ZNF366: variants seen among roughly 807,000 people sequenced by gnomAD.
The protein encoded by ZNF366 is dendritic cell-specific transcript protein.
In ZNF366, 20 loss-of-function variants were observed where a neutral mutation model predicts 47.2. The ratio of observed to expected loss-of-function variants is 0.42; its 90% CI spans 0.30 to 0.62. The LOEUF is 0.62. ZNF366 is among the 20% of genes least tolerant of loss of function. The probability of loss-of-function intolerance (pLI) is 0.16; values close to 1 mark genes in which losing one functional copy is unlikely to be tolerated. For synonymous variants in ZNF366, 421 were observed against 395.1 expected (o/e 1.07, Z -0.78); for missense variants, 987 against 976.3 (o/e 1.01, Z -0.15).
rs1363263603 is a variant in ZNF366, at chr5:72,444,229, C to T, written c.1762G>A (p.Glu588Lys). Residue 588 changes from glutamate (E) to lysine (K), a missense_variant, in exon 5 of 5, where the codon GAG (glutamate) becomes AAG (lysine). Around this residue, in one of 3 missense-constraint regions of ZNF366, gnomAD observed 285 missense variants for 234.8 expected, o/e 1.21. Coordinates refer to ENST00000318442, the MANE Select transcript of ZNF366 (RefSeq NM_152625.3). ...TTCTGAGAGAGGTCAAAGGGCTCCT[C>T]CTGCTCCAGACTCCTCAGGACACCG... ...TAGVLRSLEQ[E>K]EPFDLSQKRR... 8.7e-6 allele frequency: 14 copies of T among 1,613,498 alleles called. No homozygotes were observed. The highest frequency in any genetic ancestry group is 1.1e-5 in the Non-Finnish European group (13 of 1,180,018).
rs759827551 is a variant in ZNF366 at position 72,447,380 on chromosome 5, A to G, written c.1562T>C (p.Met521Thr). The change falls in exon 4 of 5, where the codon ATG (methionine) becomes ACG (threonine). Residue 521 changes from methionine (M) to threonine (T), a missense_variant. Met to Thr is a moderately conservative substitution (Grantham distance 81). Around this residue, in one of 3 missense-constraint regions of ZNF366, gnomAD observed 111 missense variants for 180.5 expected, o/e 0.61. Coordinates refer to ENST00000318442, the MANE Select transcript of ZNF366 (RefSeq NM_152625.3). ...GKEFNRMHNL[M>T]GHMHLHSDSK... ...GTCTGAGTGCAGGTGCATGTGGCCC[A>G]TCAGGTTGTGCATCCGGTTGAATTC... 1 of 1,614,102 alleles carries G rather than the reference A, an allele frequency of 6.2e-7. No homozygotes were observed. Among genetic ancestry groups the G allele is most frequent in the Non-Finnish European group, 8.5e-7 (1 of 1,180,038 alleles).
chr5:72,467,218 T>C (rs908206833), intron 1 of ZNF366, among the ~76,000 whole-genome samples: 7 of 152,210 alleles, frequency 4.6e-5, no homozygotes, highest in East Asian at 1.9e-4. Flanking sequence ...CCAAACCCAA[T>C]AGGCTATAAA....
At chr5:72,461,851 T>A (rs1743320539) in intron 1 of ZNF366, among the ~76,000 whole-genome samples, 1 of 152,172 alleles carries the variant, frequency 6.6e-6, no homozygotes, top group Non-Finnish European at 1.5e-5. Context: ...TTGTCCCCAT[T>A]TAAGATCAGG....
chr5:72,466,736 A>T (rs1038448823), intron 1 of ZNF366, among the ~76,000 whole-genome samples: 2 of 152,228 alleles, frequency 1.3e-5, no homozygotes, highest in African/African-American at 4.8e-5. Flanking sequence ...ACTGTGGATG[A>T]CTTTCGATAT....
chr5:72,450,940 A>T (rs9293307), intron 3 of ZNF366, among the ~76,000 whole-genome samples: 8 of 152,078 alleles, frequency 5.3e-5, no homozygotes, highest in East Asian at 1.9e-4. Context: ...GTGAGCCCCA[A>T]GCAGAATTGT....
chr5:72,490,417 T>G (rs1039402637), intron 1 of ZNF366, among the ~76,000 whole-genome samples: 1 of 152,124 alleles, frequency 6.6e-6, no homozygotes, highest in African/African-American at 2.4e-5. Context: ...ACAGATGAGA[T>G]AGAGCTGAAT....
chr5:72,458,628 A>T (rs944233581), intron 2 of ZNF366, among the ~76,000 whole-genome samples: 1 of 152,220 alleles, frequency 6.6e-6, no homozygotes, highest in Non-Finnish European at 1.5e-5. Flanking sequence ...AGAGTGGCCA[A>T]GGCACAGGTG....
intron 1 of ZNF366, among the ~76,000 whole-genome samples, chr5:72,484,491 A>AT (rs1561201567): frequency 6.7e-5 from 10 of 150,052 alleles, no homozygotes; most frequent in African/African-American, 2.4e-4. Context: ...CTCAAAAAAA[A>AT]AAAAAATAAT....
At chr5:72,492,351 G>A (rs113351284) in intron 1 of ZNF366, among the ~76,000 whole-genome samples, 26 of 152,318 alleles carry the variant, frequency 1.7e-4, no homozygotes, top group African/African-American at 5.3e-4. Flanking sequence ...AGGAGCACTA[G>A]CTGCTATCAT....
intron 1 of ZNF366, among the ~76,000 whole-genome samples, chr5:72,499,569 T>G (rs1744172447): frequency 2.1e-5 from 3 of 145,698 alleles, no homozygotes; most frequent in Non-Finnish European, 4.5e-5. Context: ...TTTGGTACCC[T>G]AAAAATGTTC....
rs1048292417 is a variant in ZNF366 at position 72,507,327 on chromosome 5, C to G, written c.-91G>C. ...CTGCTCTCTCTGTCTCTCTCCCTCT[C>G]TCTCTCCCTCTTTCTCTTGTGTACA... On this transcript the variant is annotated 5_prime_UTR_variant, in exon 1 of 5. Transcript: ENST00000318442. 5.1e-6 allele frequency: 5 copies of G among 985,448 alleles called. No homozygotes were observed. The highest frequency in any genetic ancestry group is 1.2e-4 in the Admixed American group (2 of 16,262). The allele number at this position is 985,448 out of a possible 1,614,324, so 61.0% of individuals were successfully genotyped here. A position where few individuals can be genotyped will look rare whatever the true frequency, so the allele number is the denominator to read the frequency against.
At chr5:72,474,193 C>A (rs1415197237) in intron 1 of ZNF366, among the ~76,000 whole-genome samples, 4 of 152,140 alleles carry the variant, frequency 2.6e-5, no homozygotes, top group African/African-American at 4.8e-5. Context: ...AAATCTATGT[C>A]TTTGGCCTCA....
In ZNF366 at chr5:72,444,040, T is replaced by G. The variant is rs773888615; in HGVS notation, c.1951A>C (p.Lys651Gln). The G allele has an allele frequency of 1.2e-5, 19 of 1,614,004 alleles. No homozygotes were observed. The highest frequency in any genetic ancestry group is 1.6e-5 in the Non-Finnish European group (19 of 1,179,988). Reference protein sequence around the residue: ...QLCTPEDLSTKSEHAPEVLEE... With the variant: ...QLCTPEDLSTQSEHAPEVLEE... Reference sequence around the variant, plus strand: ...AGCACCTCGGGGGCGTGCTCCGACTTGGTGGACAGATCCTCGGGTGTGCAG... The same window carrying G: ...AGCACCTCGGGGGCGTGCTCCGACTGGGTGGACAGATCCTCGGGTGTGCAG... The change falls in exon 5 of 5, where the codon AAG (lysine) becomes CAG (glutamine). Residue 651 changes from lysine (K) to glutamine (Q), a missense_variant. Around this residue, in one of 3 missense-constraint regions of ZNF366, gnomAD observed 285 missense variants for 234.8 expected, o/e 1.21. Transcript: ENST00000318442.
chr5:72,458,976 C>T (rs767215843), intron 2 of ZNF366, among the ~76,000 whole-genome samples: 2 of 152,104 alleles, frequency 1.3e-5, no homozygotes, highest in African/African-American at 2.4e-5. Flanking sequence ...CTGAAGTTAG[C>T]GAATGGTCCC....
At chr5:72,496,362 A>T (rs1744112441) in intron 1 of ZNF366, among the ~76,000 whole-genome samples, 1 of 152,194 alleles carries the variant, frequency 6.6e-6, no homozygotes, top group East Asian at 1.9e-4. Context: ...TTATAAAGAA[A>T]ATCATTTGAT....
chr5:72,471,328 G>C (rs1421576687), intron 1 of ZNF366, among the ~76,000 whole-genome samples: 1 of 152,134 alleles, frequency 6.6e-6, no homozygotes, highest in Non-Finnish European at 1.5e-5. Flanking sequence ...ATTGTTCCAA[G>C]TCTTCTCATT....
intron 1 of ZNF366, among the ~76,000 whole-genome samples, chr5:72,498,548 A>T (rs1222938637): frequency 6.6e-6 from 1 of 152,230 alleles, no homozygotes; most frequent in East Asian, 1.9e-4. Context: ...TAGTAGTAAC[A>T]CTTAAATCTT....
chr5:72,460,455 A>C lies in ZNF366; in HGVS notation c.1042T>G (p.Tyr348Asp). The change falls in exon 2 of 5, where the codon TAC becomes GAC. Residue 348 changes from tyrosine to aspartate, a missense_variant. By Grantham distance (160) the Tyr-to-Asp change is radical. Around this residue, in one of 3 missense-constraint regions of ZNF366, gnomAD observed 591 missense variants for 560.9 expected, o/e 1.05. Coordinates refer to ENST00000318442, the MANE Select transcript of ZNF366 (RefSeq NM_152625.3). ...TCGTGGGCCTTGAGCTCGCTGGGGT[A>C]GGCAAAGCCGCGGCCGCACACGCGG... is the stretch of plus-strand genomic sequence containing the variant. ...NCRVCGRGFA[Y>D]PSELKAHEAK... 1 of 1,614,066 alleles carries C rather than the reference A, an allele frequency of 6.2e-7. No individual in the cohort carries two copies. Among genetic ancestry groups the C allele is most frequent in the African/African-American group, 1.3e-5 (1 of 75,070 alleles).
intron 1 of ZNF366, among the ~76,000 whole-genome samples, chr5:72,482,366 G>C (rs1326968649): frequency 6.6e-6 from 1 of 151,970 alleles, no homozygotes; most frequent in Non-Finnish European, 1.5e-5. Context: ...AGAAGTGTAG[G>C]GTCCCAGGCT....
Sources: gnomAD v4.1 joint callset for allele counts (sites outside exome capture counted in the v4.1 genomes callset) on GRCh38, gnomAD v4.1.1 for gene constraint, gnomAD v4.1.1 regional missense constraint, MANE v1.5 for transcripts, NCBI Gene and HGNC (gene_info 2026-07-23, HGNC 2026-07-21) for gene names.